PPP2R5C: variants seen among roughly 807,000 people sequenced by gnomAD.
PPP2R5C encodes serine/threonine-protein phosphatase 2A 56 kDa regulatory subunit gamma isoform.
Under a neutral mutation model 68.9 loss-of-function variants are expected in PPP2R5C, and 7 were observed. That is an observed-to-expected ratio of 0.10 (90% confidence interval 0.06 to 0.19). The LOEUF is 0.19. PPP2R5C is among the 10% of genes least tolerant of loss of function. The pLI is 1.00. For missense variants in PPP2R5C, 348 were observed against 641.3 expected, an observed-to-expected ratio of 0.54 and a Z score of 4.94; for synonymous variants, 210 against 222.2, an observed-to-expected ratio of 0.95 and a Z score of 0.49.
At chr14:101,761,667 G>T, upstream of PPP2R5C, 1 of 195,006 alleles carries the variant, frequency 5.1e-6, no homozygotes, top group South Asian at 1.6e-4. Context: ...GCCGGGGGAG[G>T]GGCGGAGAGA....
chr14:101,914,694 C>T (rs1017942730), intron 12 of PPP2R5C: 56 of 155,550 alleles, frequency 3.6e-4, no homozygotes, highest in Admixed American at 1.0e-3. Flanking sequence ...GGGAAGGCTG[C>T]GGTGCCCTCA....
At chr14:101,815,906 G>A (rs961923543) in intron 1 of PPP2R5C, among the ~76,000 whole-genome samples, 2 of 152,228 alleles carry the variant, frequency 1.3e-5, no homozygotes, top group Non-Finnish European at 2.9e-5. Context: ...CTGACCTCAA[G>A]TGATCCGCCC....
intron 2 of PPP2R5C, among the ~76,000 whole-genome samples, chr14:101,861,157 G>T (rs1269723690): frequency 6.6e-6 from 1 of 152,158 alleles, no homozygotes; most frequent in Non-Finnish European, 1.5e-5. Flanking sequence ...AAGCTGCTTT[G>T]TTAACAGTAA....
chr14:101,901,770 G>T (rs2045708530), exon 9 of PPP2R5C: 1 of 1,613,984 alleles, frequency 6.2e-7, no homozygotes, highest in Admixed American at 1.7e-5. Context: ...TCCAAAAGAA[G>T]TAATGTTCTT....
Position 101,777,827 on chromosome 14 carries a change from C to T in PPP2R5C, c.94-8191C>T, listed in dbSNP as rs528960418. Among the ~76,000 whole-genome samples the T allele has an allele frequency of 3.3e-5, 5 of 152,178 alleles. No individual in the cohort carries two copies. The South Asian group carries it at 8.3e-4, about 25-fold the overall frequency. ...TCATTCTGTCACCTAGACTGGAATG[C>T]GATGGTACAATGATGGCTCACTGCA... On this transcript the variant is annotated intron_variant, in intron 2 of 14. Transcript: ENST00000328724.
chr14:101,902,531 T>G (rs2045751489), intron 9 of PPP2R5C, among the ~76,000 whole-genome samples: 1 of 152,206 alleles, frequency 6.6e-6, no homozygotes, highest in Non-Finnish European at 1.5e-5. Flanking sequence ...GCGGATTTTA[T>G]TGTGCACTCA....
At chr14:101,847,801 T>TA (rs1287355588) in intron 1 of PPP2R5C, among the ~76,000 whole-genome samples, 1 of 151,850 alleles carries the variant, frequency 6.6e-6, no homozygotes, top group African/African-American at 2.4e-5. Context: ...TAACTGGGAC[T>TA]ACAGGCACAT....
chr14:101,824,122 T>G (rs1566873887), intron 1 of PPP2R5C: 1 of 1,288,290 alleles, frequency 7.8e-7, no homozygotes, highest in Non-Finnish European at 1.0e-6. Context: ...CCCGAGAGAT[T>G]CATGTTCAAG....
rs116520411 is a variant in PPP2R5C, at chr14:101,901,332, T to G, written c.853-387T>G. Among the ~76,000 whole-genome samples the G allele has an allele frequency of 4.0e-3, 615 of 152,252 alleles. 2 individuals carry two copies. The highest frequency in any genetic ancestry group is 0.014 in the African/African-American group (590 of 41,542). ...TGAAATGGTGTTTGATCAGAGAAAG[T>G]GGGTTATATAAACTAAAATTGTGTA... On this transcript the variant is annotated intron_variant, in intron 8 of 13. Transcript: ENST00000334743.
rs1217077629 is a variant in PPP2R5C, at chr14:101,891,373, A to G, written c.689+1077A>G. ...TTCTTGCCACTTTAGATGTAATTTG[A>G]AAAAATGTCCTCGCTGACAATTCTT... On this transcript the variant is annotated intron_variant, in intron 6 of 13. Coordinates refer to ENST00000334743, the Ensembl canonical transcript of PPP2R5C. The surrounding 1 kb of genome is among the most constrained non-coding windows in gnomAD (Gnocchi z 4.9). Among the ~76,000 whole-genome samples the G allele has an allele frequency of 3.9e-5, 6 of 152,108 alleles. No homozygotes were observed. The highest frequency in any genetic ancestry group is 7.2e-5 in the African/African-American group (3 of 41,408).
In PPP2R5C at chr14:101,787,081, G is replaced by A. The variant is rs186178369; in HGVS notation, c.259+898G>A. ...AGCCTAGGCAACATAGGGAGACTCC[G>A]TCTCTACAAAAAAATAAAATTTGCT... On this transcript the variant is annotated intron_variant, in intron 3 of 14. Coordinates refer to the PPP2R5C transcript ENST00000328724. 1.8e-3 allele frequency among the ~76,000 whole-genome samples: 274 copies of A among 152,158 alleles called. 1 individual carries two copies. The highest frequency in any genetic ancestry group is 5.6e-3 in the African/African-American group (234 of 41,500).
intron 2 of PPP2R5C, among the ~76,000 whole-genome samples, chr14:101,876,072 T>C (rs2043755298): frequency 6.6e-6 from 1 of 152,250 alleles, no homozygotes; most frequent in Non-Finnish European, 1.5e-5. Flanking sequence ...GTAGTCTAGT[T>C]GTGATGGTCT....
In PPP2R5C at chr14:101,916,557, C is replaced by T. The variant is rs2046681196; in HGVS notation, c.1327-1274C>T. ...CCATGGTCATCATTCCTCAGAGAGGCCCAGTGAGGCAAGGCCGGGAAGGGC... is the reference window on the plus strand; with the variant it reads ...CCATGGTCATCATTCCTCAGAGAGGTCCAGTGAGGCAAGGCCGGGAAGGGC... On this transcript the variant is annotated intron_variant, in intron 12 of 13. Transcript: ENST00000334743. This position sits in a 1 kb window ranked among gnomAD's most constrained non-coding sequence, Gnocchi z 5.5. Among the ~76,000 whole-genome samples, 1 of 152,142 alleles carries T rather than the reference C, an allele frequency of 6.6e-6. No individual in the cohort carries two copies. Among genetic ancestry groups the T allele is most frequent in the Non-Finnish European group, 1.5e-5 (1 of 68,022 alleles).
chr14:101,857,351 G>A (rs1396260685), intron 2 of PPP2R5C, among the ~76,000 whole-genome samples: 1 of 152,164 alleles, frequency 6.6e-6, no homozygotes, highest in Non-Finnish European at 1.5e-5. Flanking sequence ...CATGCTGATT[G>A]GCTGAGAAGG....
intron 1 of PPP2R5C, among the ~76,000 whole-genome samples, chr14:101,823,470 C>G (rs770157727): frequency 1.3e-5 from 2 of 152,182 alleles, no homozygotes; most frequent in Non-Finnish European, 2.9e-5. Context: ...ATTCGGTACC[C>G]TCTCCCCCAC....
At chr14:101,779,815 C>T (rs1250390883) in intron 2 of PPP2R5C, among the ~76,000 whole-genome samples, 1 of 152,098 alleles carries the variant, frequency 6.6e-6, no homozygotes, top group African/African-American at 2.4e-5. Context: ...CTGTGCTCAC[C>T]ACTGTACCAC....
chr14:101,842,478 C>T (rs1054017189), intron 1 of PPP2R5C, among the ~76,000 whole-genome samples: 10 of 152,152 alleles, frequency 6.6e-5, no homozygotes, highest in Non-Finnish European at 1.3e-4. Flanking sequence ...AGCTGGGGTT[C>T]GGCCCCAACC....
intron 5 of PPP2R5C, among the ~76,000 whole-genome samples, chr14:101,887,575 C>T (rs940649989): frequency 2.6e-5 from 4 of 152,192 alleles, no homozygotes; most frequent in African/African-American, 4.8e-5. Context: ...CAGGTCCCCA[C>T]GCTGCCTCTG....
chr14:101,764,850 G>C (rs2139928637), intron 2 of PPP2R5C, among the ~76,000 whole-genome samples: 1 of 136,552 alleles, frequency 7.3e-6, no homozygotes, highest in Admixed American at 7.7e-5. Context: ...AAACTGCTAA[G>C]ATTTCTTCTC....
Sources: allele counts gnomAD v4.1 joint callset (sites outside exome capture counted in the v4.1 genomes callset), GRCh38; gene constraint gnomAD v4.1.1; non-coding constraint Gnocchi (gnomAD v3.1); transcripts MANE v1.5; gene names NCBI Gene and HGNC (gene_info 2026-07-23, HGNC 2026-07-21).